Variants in DLG4 observed in about 807,000 individuals in gnomAD.
The protein encoded by DLG4 is discs large MAGUK scaffold protein 4.
DLG4 carries 7 observed loss-of-function variants against 93.8 expected under a neutral mutation model. The ratio of observed to expected loss-of-function variants is 0.07; its 90% confidence interval spans 0.04 to 0.14. The LOEUF is 0.14. Among genes scored for constraint, DLG4 ranks in the 10% least tolerant of loss-of-function variants. The pLI is 1.00. For synonymous variants in DLG4, 341 were observed against 387.6 expected, an observed-to-expected ratio of 0.88 and a Z score of 1.41; for missense variants, 545 against 992.9, an observed-to-expected ratio of 0.55 and a Z score of 6.06.
intron 8 of DLG4, among the ~76,000 whole-genome samples, chr17:7,201,379 T>G (rs556807387): frequency 1.7e-4 from 26 of 152,320 alleles, no homozygotes; most frequent in South Asian, 1.0e-3. Flanking sequence ...TCATAACATT[T>G]TTTAATTGTT....
chr17:7,191,572 C>T lies in DLG4; in HGVS notation c.1977-214G>A, dbSNP rs1019218050. The stretch of plus-strand genomic sequence containing the variant: ...CAGCCAGGTGTGGCTACTCCAGGGA[C>T]ATCTACGGAGCTTCATCCTTCCAGC... On this transcript the variant is annotated intron_variant, in intron 18 of 19. Transcript: ENST00000399506. This position sits in a 1 kb window ranked among gnomAD's most constrained non-coding sequence, Gnocchi z 6.6. 11 of 603,798 alleles carry T rather than the reference C, an allele frequency of 1.8e-5. No individual in the cohort carries two copies. Among genetic ancestry groups the T allele is most frequent in the African/African-American group, 1.5e-4 (8 of 53,840 alleles). The allele number at this position is 603,798 out of a possible 1,614,324, so 37.4% of individuals were successfully genotyped here. A position where few individuals can be genotyped will look rare whatever the true frequency, so the allele number is the denominator to read the frequency against.
chr17:7,200,105 C>T (rs2070041779), intron 8 of DLG4, among the ~76,000 whole-genome samples: 1 of 151,960 alleles, frequency 6.6e-6, no homozygotes, highest in Non-Finnish European at 1.5e-5. Context: ...TATGGTTTTA[C>T]AGTATTATTT....
Position 7,193,278 on chromosome 17 carries a change from GCACCCTCC to G in DLG4, c.1694-169_1694-162del, listed in dbSNP as rs540729323. Among the ~76,000 whole-genome samples, 986 of 152,228 alleles carry G rather than the reference GCACCCTCC, an allele frequency of 6.5e-3. 10 individuals carry two copies. In the Middle Eastern group the frequency reaches 0.088, roughly 14 times the overall value. ...CAGAGGGCCAGAACCGCTTCCCCTA[GCACCCTCC>G]AGGGCCTCCAAGTCTCTGGCCTGGG... On this transcript the variant is annotated intron_variant, in intron 16 of 19. Coordinates refer to ENST00000399506, the MANE Select transcript of DLG4 (RefSeq NM_001321075.3). The surrounding 1 kb of genome is among the most constrained non-coding windows in gnomAD (Gnocchi z 6.7).
intron 1 of DLG4, among the ~76,000 whole-genome samples, chr17:7,216,570 GCAT>G (rs770777684): frequency 3.9e-5 from 6 of 152,048 alleles, no homozygotes; most frequent in Non-Finnish European, 8.8e-5. Context: ...AATTGAGAGA[GCAT>G]CCCTAAATGC....
chr17:7,212,762 C>T (rs2070758898), intron 1 of DLG4, among the ~76,000 whole-genome samples: 1 of 152,128 alleles, frequency 6.6e-6, no homozygotes, highest in Admixed American at 6.5e-5. Flanking sequence ...TGGCCTGGCA[C>T]GGTGGCTCAC....
Position 7,187,454 on chromosome 17 carries a change from G to A in DLG4, c.*3254C>T, listed in dbSNP as rs2069326879. ...CCAGCTACTCGGGAGGCTGAGGCAG[G>A]AGAATAGCTTGAATCCGGAAGGCAG... On this transcript the variant is annotated 3_prime_UTR_variant, in exon 20 of 20. Coordinates refer to ENST00000399506, the MANE Select transcript of DLG4 (RefSeq NM_001321075.3). Among the ~76,000 whole-genome samples the A allele has an allele frequency of 6.6e-6, 1 of 151,864 alleles. No individual in the cohort carries two copies. Among genetic ancestry groups the A allele is most frequent in the Non-Finnish European group, 1.5e-5 (1 of 67,984 alleles).
In DLG4 at chr17:7,194,521, G is replaced by C; in HGVS notation, c.1302-26C>G. ...CTGGAGGGCAAGTGGCTATCGGTCAGAGCCCAGCTGAGGACTCCAGGAAGG... is the reference window on the plus strand; with the variant it reads ...CTGGAGGGCAAGTGGCTATCGGTCACAGCCCAGCTGAGGACTCCAGGAAGG... On this transcript the variant is annotated intron_variant, in intron 11 of 19. Coordinates refer to ENST00000399506, the MANE Select transcript of DLG4 (RefSeq NM_001321075.3). The surrounding 1 kb of genome is among the most constrained non-coding windows in gnomAD (Gnocchi z 4.4). 1 of 1,579,888 alleles carries C rather than the reference G, an allele frequency of 6.3e-7. No individual in the cohort carries two copies. The highest frequency in any genetic ancestry group is 1.3e-5 in the African/African-American group (1 of 74,234).
At chr17:7,219,548 C>A (rs775169805), upstream of DLG4, 18 of 1,102,098 alleles carry the variant, frequency 1.6e-5, no homozygotes, top group Non-Finnish European at 2.0e-5. Context: ...TCATCAGGAA[C>A]CCTAGAGTCT....
intron 2 of DLG4, among the ~76,000 whole-genome samples, chr17:7,206,681 C>A (rs1223079513): frequency 6.6e-6 from 1 of 152,168 alleles, no homozygotes; most frequent in Non-Finnish European, 1.5e-5. Flanking sequence ...CTGTCAGCCT[C>A]ATTCACTGCC....
Position 7,187,804 on chromosome 17 carries a change from C to T in DLG4, c.*2904G>A, listed in dbSNP as rs1211723872. Among the ~76,000 whole-genome samples the T allele has an allele frequency of 1.3e-5, 2 of 152,096 alleles. No individual in the cohort carries two copies. The highest frequency in any genetic ancestry group is 2.9e-5 in the Non-Finnish European group (2 of 68,016). On this transcript the variant is annotated 3_prime_UTR_variant, in exon 20 of 20. Transcript: ENST00000399506. Reference sequence around the variant, plus strand: ...AACATCAGGGCCAGGTGCAGTGGCTCACGCCTGTAATCCCAGCACTTTGGG... The same window carrying T: ...AACATCAGGGCCAGGTGCAGTGGCTTACGCCTGTAATCCCAGCACTTTGGG...
At chr17:7,205,315 G>C in intron 2 of DLG4, 3 of 445,866 alleles carry the variant, frequency 6.7e-6, no homozygotes, top group Non-Finnish European at 8.9e-6. Flanking sequence ...TAGACTCCCA[G>C]GCGGGGCCCG....
At chr17:7,218,313 C>A (rs774410440), upstream of DLG4, 1 of 1,595,994 alleles carries the variant, frequency 6.3e-7, no homozygotes, top group South Asian at 1.1e-5. Context: ...GTTACCTCCC[C>A]ACCCCAGGCC....
rs189257652 is a variant in DLG4, at chr17:7,187,405, G to T, written c.*3303C>A. 4.7e-5 allele frequency among the ~76,000 whole-genome samples: 7 copies of T among 149,844 alleles called. 1 individual carries two copies. The highest frequency in any genetic ancestry group is 1.7e-4 in the African/African-American group (7 of 40,986). On this transcript the variant is annotated 3_prime_UTR_variant, in exon 20 of 20. Transcript: ENST00000399506. ...CTACTAAATACAAAAAATTAGCTGGGCGTGGTGGCATGCACCTGTAATCCC... is the reference window on the plus strand; with the variant it reads ...CTACTAAATACAAAAAATTAGCTGGTCGTGGTGGCATGCACCTGTAATCCC...
chr17:7,219,820 G>A, upstream of DLG4: 3 of 1,531,764 alleles, frequency 2.0e-6, no homozygotes, highest in African/African-American at 1.4e-5. Context: ...ACGCAGGGCC[G>A]GGCTCCAGGG....
chr17:7,193,765 G>A lies in DLG4; in HGVS notation c.1544-51C>T. On this transcript the variant is annotated intron_variant, in intron 14 of 19. Coordinates refer to ENST00000399506, the MANE Select transcript of DLG4 (RefSeq NM_001321075.3). This position sits in a 1 kb window ranked among gnomAD's most constrained non-coding sequence, Gnocchi z 6.7. ...GGGGCTCTGAAACAGGGGACCTGGAGCCCTGTCTCCCCCTTGAGGATATCA... is the reference window on the plus strand; with the variant it reads ...GGGGCTCTGAAACAGGGGACCTGGAACCCTGTCTCCCCCTTGAGGATATCA... 6.2e-7 allele frequency: 1 copy of A among 1,609,958 alleles called. No individual in the cohort carries two copies. The highest frequency in any genetic ancestry group is 1.1e-5 in the South Asian group (1 of 90,444).
intron 2 of DLG4, among the ~76,000 whole-genome samples, chr17:7,205,489 T>G (rs568953098): frequency 1.0e-3 from 152 of 151,908 alleles, no homozygotes; most frequent in Non-Finnish European, 1.2e-3. Context: ...GATTCCCCAG[T>G]CTCCTTCCCG....
Position 7,191,443 on chromosome 17 carries a change from T to C in DLG4, c.1977-85A>G. ...TCCTCTATCCAGGAATGTTAAGTAT[T>C]CTTCTATTTGGAGCACATAGCAAAA... is the stretch of plus-strand genomic sequence containing the variant. On this transcript the variant is annotated intron_variant, in intron 18 of 19. Coordinates refer to ENST00000399506, the MANE Select transcript of DLG4 (RefSeq NM_001321075.3). This position sits in a 1 kb window ranked among gnomAD's most constrained non-coding sequence, Gnocchi z 6.6. 1 of 1,084,432 alleles carries C rather than the reference T, an allele frequency of 9.2e-7. No homozygotes were observed. The highest frequency in any genetic ancestry group is 1.3e-5 in the South Asian group (1 of 77,656). The allele number at this position is 1,084,432 out of a possible 1,614,324, so 67.2% of individuals were successfully genotyped here.
chr17:7,204,768 C>T (rs895412399), intron 2 of DLG4, among the ~76,000 whole-genome samples: 2 of 150,162 alleles, frequency 1.3e-5, no homozygotes, highest in African/African-American at 4.9e-5. Context: ...CTCCCCTAGA[C>T]TTGCCCCTCA....
chr17:7,207,289 G>C (rs190553714), intron 2 of DLG4, among the ~76,000 whole-genome samples: 35 of 152,182 alleles, frequency 2.3e-4, no homozygotes, highest in African/African-American at 8.2e-4. Flanking sequence ...AGCGGCCTGG[G>C]CTGGGGATCA....
Sources: gnomAD v4.1 joint callset for allele counts (sites outside exome capture counted in the v4.1 genomes callset) on GRCh38, gnomAD v4.1.1 for gene constraint, Gnocchi (gnomAD v3.1) non-coding constraint, MANE v1.5 for transcripts, NCBI Gene and HGNC (gene_info 2026-07-23, HGNC 2026-07-21) for gene names.